EIF2S3B: variants seen among roughly 807,000 people sequenced by gnomAD.
EIF2S3B encodes the protein eukaryotic translation initiation factor 2 subunit gamma B, also known as eukaryotic translation initiation factor 2 subunit 3B.
In EIF2S3B, 16 loss-of-function variants were observed where a neutral mutation model predicts 26.4. The ratio of observed to expected loss-of-function variants is 0.61; its 90% CI spans 0.41 to 0.92. The LOEUF is 0.92. Ranked by LOEUF, EIF2S3B falls within the 40% of genes least tolerant of loss-of-function variation. The pLI, the probability that EIF2S3B is intolerant of heterozygous loss-of-function variation, is 0.00. For synonymous variants in EIF2S3B, 183 were observed against 204.4 expected (o/e 0.90, Z 0.89); for missense variants, 510 against 575.5 (o/e 0.89, Z 1.16).
At chr12:10,516,919 A>C (rs550131945) in intron 1 of EIF2S3B, among the ~76,000 whole-genome samples, 4 of 150,270 alleles carry the variant, frequency 2.7e-5, no homozygotes, top group African/African-American at 9.7e-5. Context: ...ACATTTATTG[A>C]TTTGCGTATA....
chr12:10,513,140 A>G (rs1864721619), downstream of EIF2S3B, among the ~76,000 whole-genome samples: 1 of 152,356 alleles, frequency 6.6e-6, no homozygotes, highest in African/African-American at 2.4e-5. Flanking sequence ...GATTTATTTT[A>G]TACATACTTT....
At chr12:10,515,383 C>T (rs1261822547) in intron 1 of EIF2S3B, among the ~76,000 whole-genome samples, 4 of 151,892 alleles carry the variant, frequency 2.6e-5, no homozygotes, top group Admixed American at 1.3e-4. Flanking sequence ...TCATCGGTGC[C>T]ATATATAGTT....
At position 10,506,367 on chromosome 12, in the gene EIF2S3B, T is replaced by C. The variant is rs1229465428; in HGVS notation, c.465T>C (p.Ala155=). 6.2e-7 allele frequency: 1 copy of C among 1,614,162 alleles called. No individual in the cohort carries two copies. The highest frequency in any genetic ancestry group is 8.5e-7 in the Non-Finnish European group (1 of 1,179,998). ...MLNGAAVMDA[A]LLLIAGNESC... ...ACGGTGCAGCAGTGATGGATGCAGC[T>C]CTTCTGTTGATAGCTGGTAATGAAT... Residue 155 remains alanine, a synonymous_variant, in exon 1 of 1, where the codon GCT becomes GCC. Transcript: ENST00000538173.
At chr12:10,508,659 A>C, downstream of EIF2S3B, among the ~76,000 whole-genome samples, 1 of 151,956 alleles carries the variant, frequency 6.6e-6, no homozygotes, top group Admixed American at 6.6e-5. Flanking sequence ...GACCTAAAGT[A>C]ATATTAATCT....
chr12:10,519,468 C>A lies in EIF2S3B; in HGVS notation c.1309-3135C>A, dbSNP rs375398970. Among the ~76,000 whole-genome samples the A allele has an allele frequency of 2.6e-3, 387 of 151,298 alleles. 2 individuals carry two copies. Among genetic ancestry groups the A allele is most frequent in the African/African-American group, 8.8e-3 (360 of 40,914 alleles). ...GCATGGGCAAGGACTTCATGTCTAA[C>A]ACACCAAAAGCAATGGCAACAAAAG... On this transcript the variant is annotated intron_variant, in intron 1 of 1. Transcript: ENST00000322446.
At chr12:10,518,567 G>T (rs950855834) in intron 1 of EIF2S3B, among the ~76,000 whole-genome samples, 1 of 152,068 alleles carries the variant, frequency 6.6e-6, no homozygotes, top group Admixed American at 6.6e-5. Context: ...TTGCCAGTCT[G>T]TGTCTTTTAA....
rs767905045 is a variant in EIF2S3B at position 10,507,117 on chromosome 12, G to T, written c.1215G>T (p.Met405Ile). The T allele has an allele frequency of 6.2e-7, 1 of 1,613,822 alleles. No individual in the cohort carries two copies. Among genetic ancestry groups the T allele is most frequent in the South Asian group, 1.1e-5 (1 of 91,078 alleles). ...VQKLSKNEVLMVNIGSLSTGG... is the reference protein window; with the variant it reads ...VQKLSKNEVLIVNIGSLSTGG... ...AGCTGTCTAAGAATGAAGTGCTCAT[G>T]GTGAACATAGGATCCCTGTCGACAG... The change falls in exon 1 of 1, where the codon ATG (methionine) becomes ATT (isoleucine). Residue 405 changes from methionine to isoleucine, a missense_variant. Transcript: ENST00000538173.
chr12:10,519,270 A>G (rs1174559992), intron 1 of EIF2S3B, among the ~76,000 whole-genome samples: 3 of 152,162 alleles, frequency 2.0e-5, no homozygotes, highest in Non-Finnish European at 2.9e-5. Context: ...AGGATTCCCT[A>G]TTTAATAAAT....
chr12:10,516,538 AAAG>A (rs1462322381), intron 1 of EIF2S3B, among the ~76,000 whole-genome samples: 1 of 152,156 alleles, frequency 6.6e-6, no homozygotes, highest in Non-Finnish European at 1.5e-5. Context: ...CTCAATATGT[AAAG>A]AAGGAGATAT....
chr12:10,509,696 T>C (rs912755969), downstream of EIF2S3B, among the ~76,000 whole-genome samples: 6 of 152,040 alleles, frequency 3.9e-5, no homozygotes, highest in African/African-American at 1.2e-4. Flanking sequence ...CGTAGTTATA[T>C]AGATTTATGG....
At position 10,520,594 on chromosome 12, in the gene EIF2S3B, T is replaced by G. The variant is rs7962388; in HGVS notation, c.1309-2009T>G. On this transcript the variant is annotated intron_variant, in intron 1 of 1. Transcript: ENST00000322446. ...ATTATGATTTCATTTTTTTCTTACT[T>G]GACAATATATTTTCAGAAAACAAGA... 4.0e-3 allele frequency among the ~76,000 whole-genome samples: 611 copies of G among 152,224 alleles called. 6 individuals carry two copies. Among genetic ancestry groups the G allele is most frequent in the African/African-American group, 0.014 (576 of 41,512 alleles).
In EIF2S3B at chr12:10,507,776, G is replaced by A. The variant is rs2137942353; in HGVS notation, c.*455G>A. Among the ~76,000 whole-genome samples the A allele has an allele frequency of 6.6e-6, 1 of 152,162 alleles. No individual in the cohort carries two copies. The highest frequency in any genetic ancestry group is 1.5e-5 in the Non-Finnish European group (1 of 68,012). ...CGGGGCTAATTTTTGTATTAGTAGA[G>A]ACGGGGTTTCGGCATGTTGGCCAGG... On this transcript the variant is annotated 3_prime_UTR_variant, in exon 1 of 1. Coordinates refer to ENST00000538173, the MANE Select transcript of EIF2S3B (RefSeq NM_001357734.3).
rs770512367 is a variant in EIF2S3B, at chr12:10,506,635, G to A, written c.733G>A (p.Val245Ile). The A allele has an allele frequency of 3.1e-6, 5 of 1,612,790 alleles. No homozygotes were observed. The highest frequency in any genetic ancestry group is 1.7e-5 in the Admixed American group (1 of 59,998). ...VCEYIVKKIP[V>I]PPRDFTSEPR... is the part of the protein sequence containing the mutation. ...TGAGTACATAGTAAAGAAAATTCCA[G>A]TACCCCCAAGAGACTTTACTTCAGA... The change falls in exon 1 of 1, where the codon GTA (valine) becomes ATA (isoleucine). Residue 245 changes from valine (V) to isoleucine (I), a missense_variant. By Grantham distance (29) the Val-to-Ile change is conservative. Coordinates refer to ENST00000538173, the MANE Select transcript of EIF2S3B (RefSeq NM_001357734.3).
chr12:10,506,037 T>C lies in EIF2S3B; in HGVS notation c.135T>C (p.Gly45=). 1.2e-6 allele frequency: 2 copies of C among 1,604,194 alleles called. No individual in the cohort carries two copies. The highest frequency in any genetic ancestry group is 1.7e-6 in the Non-Finnish European group (2 of 1,170,924). ...GCAGACAAGCCACAATTAATATAGG[T>C]ACAATTGGTCATGTAGCTCATGGGA... ...VISRQATINI[G]TIGHVAHGKS... Residue 45 remains glycine, a synonymous_variant, in exon 1 of 1, where the codon GGT becomes GGC. Transcript: ENST00000538173.
Position 10,507,142 on chromosome 12 carries a change from G to A in EIF2S3B, c.1240G>A (p.Gly414Arg). 1 of 1,613,842 alleles carries A rather than the reference G, an allele frequency of 6.2e-7. No individual in the cohort carries two copies. The highest frequency in any genetic ancestry group is 8.5e-7 in the Non-Finnish European group (1 of 1,179,704). The change falls in exon 1 of 1, where the codon GGA becomes AGA. Residue 414 changes from glycine to arginine, a missense_variant. Gly to Arg is a moderately radical substitution (Grantham distance 125, BLOSUM62 -2). Transcript: ENST00000538173. ...LMVNIGSLST[G>R]GRVSAVKADL... is the part of the protein sequence containing the mutation. The stretch of plus-strand genomic sequence containing the variant: ...GGTGAACATAGGATCCCTGTCGACA[G>A]GAGGGAGAGTTAGTGCTGTCAAGGC...
chr12:10,522,253 C>A (rs1451315435), intron 1 of EIF2S3B, among the ~76,000 whole-genome samples: 1 of 152,022 alleles, frequency 6.6e-6, no homozygotes, highest in Admixed American at 6.6e-5. Context: ...GAGAGTCACT[C>A]GAGCCTAGGC....
In EIF2S3B at chr12:10,506,256, A is replaced by G. The variant is rs1352283664; in HGVS notation, c.354A>G (p.Pro118=). 6.2e-6 allele frequency: 10 copies of G among 1,612,524 alleles called. No homozygotes were observed. The East Asian group carries it at 2.2e-4, about 36-fold the overall frequency. The stretch of plus-strand genomic sequence containing the variant: ...CTGATGAGTTTCCTACAGACATTCC[A>G]GGAACCAAAGGGAACTTCAGATTAG... ...SMPDEFPTDI[P]GTKGNFRLVR... Residue 118 remains proline, a synonymous_variant, in exon 1 of 1, where the codon CCA becomes CCG. Transcript: ENST00000538173.
At chr12:10,519,514 C>T (rs1351913050) in intron 1 of EIF2S3B, among the ~76,000 whole-genome samples, 1 of 151,972 alleles carries the variant, frequency 6.6e-6, no homozygotes, top group African/African-American at 2.4e-5. Flanking sequence ...CAAATGGGAT[C>T]TAATTAAACT....
At chr12:10,519,936 G>A (rs1289535169) in intron 1 of EIF2S3B, among the ~76,000 whole-genome samples, 18 of 151,378 alleles carry the variant, frequency 1.2e-4, no homozygotes, top group Non-Finnish European at 2.7e-4. Context: ...TTCAACCATT[G>A]TGGAAGTCAG....
Sources: gnomAD v4.1 joint callset for allele counts (sites outside exome capture counted in the v4.1 genomes callset) on GRCh38, gnomAD v4.1.1 for gene constraint, MANE v1.5 for transcripts, NCBI Gene and HGNC (gene_info 2026-07-23, HGNC 2026-07-21) for gene names.